TARS2: variants seen among roughly 807,000 people sequenced by gnomAD.
TARS2 encodes the protein threonyl-tRNA synthetase 2, mitochondrial, also known as threonine--tRNA ligase, mitochondrial.
Under a neutral mutation model 94.4 loss-of-function variants are expected in TARS2, and 61 were observed. The ratio of observed to expected loss-of-function variants is 0.65; its 90% confidence interval spans 0.53 to 0.80. The LOEUF is 0.80. TARS2 is among the 30% of genes least tolerant of loss of function. TARS2 has a pLI of 0.00. For synonymous variants in TARS2, 359 were observed against 353.4 expected, an observed-to-expected ratio of 1.02 and a Z score of -0.18; for missense variants, 704 against 902.5, an observed-to-expected ratio of 0.78 and a Z score of 2.82.
chr1:150,488,207 T>C, intron 2 of TARS2, 153 bp downstream of exon 2: 1 of 903,420 alleles, frequency 1.1e-6, no homozygotes, highest in South Asian at 1.8e-5. Flanking sequence ...TTTTTGTTGT[T>C]GTTCTTTTAT....
rs780683339 is a variant in TARS2, at chr1:150,491,368, A to G, written c.513-26A>G. On this transcript the variant is annotated intron_variant, in intron 4 of 17. Coordinates refer to ENST00000369064, the MANE Select transcript of TARS2 (RefSeq NM_025150.5). Reference sequence around the variant, plus strand: ...GTGATTGATGCACCTCATAGGATGCAACCCAACCAATTCTCCTCTTTCCAG... The same window carrying G: ...GTGATTGATGCACCTCATAGGATGCGACCCAACCAATTCTCCTCTTTCCAG... 7.4e-6 allele frequency: 12 copies of G among 1,611,480 alleles called. No homozygotes were observed. In the East Asian group the frequency reaches 2.7e-4, roughly 36 times the overall value.
intron 17 of TARS2, 93 bp from the exon 18 acceptor site, chr1:150,506,823 A>G: frequency 5.8e-6 from 9 of 1,544,718 alleles, no homozygotes; most frequent in Non-Finnish European, 7.9e-6. Context: ...ACCCTTCCTA[A>G]AGATTTAGGT....
intron 10 of TARS2, among the ~76,000 whole-genome samples, chr1:150,497,966 G>A (rs1304690769): frequency 5.3e-5 from 8 of 152,016 alleles, no homozygotes; most frequent in South Asian, 2.1e-4. Flanking sequence ...GGTGGCGGGC[G>A]CCTGTAGTCC....
chr1:150,490,713 T>A lies in TARS2; in HGVS notation c.500T>A (p.Leu167Gln). Reference sequence around the variant, plus strand: ...TATGGCTTTTACCATGATTTCTTCCTGGGAAAGGAGAGGTGAGTAATGAAA... The same window carrying A: ...TATGGCTTTTACCATGATTTCTTCCAGGGAAAGGAGAGGTGAGTAATGAAA... ...TEYGFYHDFF[L>Q]GKERTIRGSE... is the part of the protein sequence containing the mutation. The change falls in exon 4 of 18, where the codon CTG (leucine) becomes CAG (glutamine). Residue 167 changes from leucine to glutamine, a missense_variant. By Grantham distance (113) the Leu-to-Gln change is moderately radical. Around this residue, in one of 3 missense-constraint regions of TARS2, gnomAD observed 208 missense variants for 228.5 expected, o/e 0.91. Transcript: ENST00000369064. The A allele has an allele frequency of 6.2e-7, 1 of 1,613,766 alleles. No individual in the cohort carries two copies. Among genetic ancestry groups the A allele is most frequent in the South Asian group, 1.1e-5 (1 of 91,058 alleles).
chr1:150,489,001 A>G lies in TARS2; in HGVS notation c.301A>G (p.Asn101Asp), dbSNP rs1262159816. The change falls in exon 3 of 18, where the codon AAT becomes GAT. Residue 101 changes from asparagine (N) to aspartate (D), a missense_variant. Coordinates refer to ENST00000369064, the MANE Select transcript of TARS2 (RefSeq NM_025150.5). ...LADTAVAAQV[N>D]GEPYDLERPL... ...AGATACTGCAGTGGCTGCTCAAGTG[A>G]ATGGAGAACCTTATGATCTGGAGCG... is the stretch of plus-strand genomic sequence containing the variant. The G allele has an allele frequency of 6.2e-7, 1 of 1,614,166 alleles. No individual in the cohort carries two copies. Among genetic ancestry groups the G allele is most frequent in the Non-Finnish European group, 8.5e-7 (1 of 1,180,022 alleles).
At position 150,504,876 on chromosome 1, in the gene TARS2, AT is replaced by A. The variant is rs66522046; in HGVS notation, c.1821-27del. 5,781 of 1,613,980 alleles carry A rather than the reference AT, an allele frequency of 3.6e-3. 137 individuals carry two copies. The African/African-American group carries it at 0.06, about 17-fold the overall frequency. ...CTTCTGGCCAGAGCCAGAGTGACTAATTTGCCATCACCTGTTCTTTCCCTAC... is the reference window on the plus strand; with the variant it reads ...CTTCTGGCCAGAGCCAGAGTGACTAATTGCCATCACCTGTTCTTTCCCTAC... On this transcript the variant is annotated intron_variant, in intron 15 of 17. Transcript: ENST00000369064.
intron 9 of TARS2, among the ~76,000 whole-genome samples, chr1:150,497,156 G>A (rs1432717674): frequency 6.6e-6 from 1 of 152,122 alleles, no homozygotes; most frequent in Non-Finnish European, 1.5e-5. Context: ...TGTGGTGGCA[G>A]CGCCTGTAGT....
chr1:150,488,025 A>G lies in TARS2; in HGVS notation c.234A>G (p.Thr78=). The G allele has an allele frequency of 6.2e-7, 1 of 1,614,060 alleles. No homozygotes were observed. Residue 78 remains threonine, a synonymous_variant, in exon 2 of 18, where the codon ACA becomes ACG. Transcript: ENST00000369064. The part of the protein sequence containing the change: ...GQKIDAVAWN[T]TPYQLARQIS... ...AAATTGATGCTGTGGCATGGAACACAACCCCCTACCAACTAGCCCGGCAGA... is the reference window on the plus strand; with the variant it reads ...AAATTGATGCTGTGGCATGGAACACGACCCCCTACCAACTAGCCCGGCAGA...
At position 150,504,924 on chromosome 1, in the gene TARS2, G is replaced by A. The variant is rs587670912; in HGVS notation, c.1839G>A (p.Pro613=). ...CGGKWPLWLS[P]FQVVVIPVGS... is the part of the protein sequence containing the mutation. The stretch of plus-strand genomic sequence containing the variant: ...CTACCAGGCCACTGTGGCTGTCCCC[G>A]TTCCAGGTGGTGGTCATCCCTGTGG... Residue 613 remains proline, a synonymous_variant, in exon 16 of 18, where the codon CCG becomes CCA. Coordinates refer to ENST00000369064, the MANE Select transcript of TARS2 (RefSeq NM_025150.5). 6.8e-6 allele frequency: 11 copies of A among 1,614,190 alleles called. No homozygotes were observed. The highest frequency in any genetic ancestry group is 5.5e-5 in the South Asian group (5 of 91,088).
chr1:150,503,239 A>G (rs1283510223), intron 13 of TARS2, among the ~76,000 whole-genome samples: 2 of 152,220 alleles, frequency 1.3e-5, no homozygotes, highest in African/African-American at 4.8e-5. Flanking sequence ...CCAAAGATGT[A>G]GGAGGCTAAG....
intron 9 of TARS2, 125 bp from the exon 10 acceptor site, chr1:150,497,405 T>C (rs1669711774): frequency 1.3e-5 from 10 of 788,620 alleles, no homozygotes; most frequent in East Asian, 2.5e-5. Context: ...AGATGGGACC[T>C]GGTATTTAAT....
At chr1:150,494,194 C>G (rs1294505499) in intron 7 of TARS2, among the ~76,000 whole-genome samples, 1 of 145,798 alleles carries the variant, frequency 6.9e-6, no homozygotes, top group Non-Finnish European at 1.5e-5. Flanking sequence ...TGGTGAAACC[C>G]TGTCTCTACT....
At chr1:150,487,648 G>C in intron 1 of TARS2, 132 bp downstream of exon 1, 1 of 1,334,386 alleles carries the variant, frequency 7.5e-7, no homozygotes, top group Non-Finnish European at 1.0e-6. Flanking sequence ...AAAAGGACTC[G>C]TATCTAAACT....
At chr1:150,488,131 A>G (rs1289967630) in intron 2 of TARS2, 77 bp downstream of exon 2, 1 of 1,508,082 alleles carries the variant, frequency 6.6e-7, no homozygotes, top group African/African-American at 1.4e-5. Context: ...AGGGGAAGAA[A>G]ACTTGGTCTG....
chr1:150,498,465 TCCC>T, intron 10 of TARS2, 34 bp from the exon 11 acceptor site: 3 of 1,520,446 alleles, frequency 2.0e-6, no homozygotes, highest in Admixed American at 2.4e-5. Flanking sequence ...GGGCTAGTCC[TCCC>T]TATGGCCCTG....
Position 150,504,722 on chromosome 1 carries a change from C to T in TARS2, c.1809C>T (p.Cys603=), listed in dbSNP as rs752424999. Residue 603 remains cysteine, a synonymous_variant, in exon 15 of 18, where the codon TGC becomes TGT. Transcript: ENST00000369064. The part of the protein sequence containing the change: ...ERLLGVLAES[C]GGKWPLWLSP... ...TGTTGGGAGTGCTGGCAGAAAGCTGCGGGGGGAAATGGTGAGACCTCTGAC... is the reference window on the plus strand; with the variant it reads ...TGTTGGGAGTGCTGGCAGAAAGCTGTGGGGGGAAATGGTGAGACCTCTGAC... 1.9e-6 allele frequency: 3 copies of T among 1,614,116 alleles called. No individual in the cohort carries two copies. Among genetic ancestry groups the T allele is most frequent in the African/African-American group, 1.3e-5 (1 of 75,012 alleles).
intron 6 of TARS2, chr1:150,491,973 T>TC (rs2102479400): frequency 3.5e-6 from 1 of 285,530 alleles, no homozygotes; most frequent in East Asian, 8.2e-5. Context: ...TTTTTTTTTT[T>TC]TTTTTTTTTT....
chr1:150,504,467 T>C lies in TARS2; in HGVS notation c.1718+32T>C, dbSNP rs1449931672. The C allele has an allele frequency of 1.9e-6, 3 of 1,607,558 alleles. No homozygotes were observed. The South Asian group carries it at 3.3e-5, about 18-fold the overall frequency. On this transcript the variant is annotated intron_variant, in intron 14 of 17. Coordinates refer to ENST00000369064, the MANE Select transcript of TARS2 (RefSeq NM_025150.5). Reference sequence around the variant, plus strand: ...AACCTTGCCCTATCCTCTTTTCCCTTGACAGTGCATGGAATAAGTCCTTCT... The same window carrying C: ...AACCTTGCCCTATCCTCTTTTCCCTCGACAGTGCATGGAATAAGTCCTTCT...
rs887734204 is a variant in TARS2, at chr1:150,498,738, A to T, written c.1401+74A>T. 7 of 1,608,046 alleles carry T rather than the reference A, an allele frequency of 4.4e-6. No individual in the cohort carries two copies. The Admixed American group carries it at 8.5e-5, about 20-fold the overall frequency. ...CTCCCTATGAACCTGCAAACCCCTGATCTTTATTTGCCCCCTGTATGTACT... is the reference window on the plus strand; with the variant it reads ...CTCCCTATGAACCTGCAAACCCCTGTTCTTTATTTGCCCCCTGTATGTACT... On this transcript the variant is annotated intron_variant, in intron 11 of 17. Transcript: ENST00000369064.
Sources: gnomAD v4.1 joint callset for allele counts (sites outside exome capture counted in the v4.1 genomes callset) on GRCh38, gnomAD v4.1.1 for gene constraint, gnomAD v4.1.1 regional missense constraint, MANE v1.5 for transcripts, NCBI Gene and HGNC (gene_info 2026-07-23, HGNC 2026-07-21) for gene names.